The following ZNF423 variants were observed in gnomAD, a reference collection of about 807,000 sequenced individuals.
The protein encoded by ZNF423 is Ebf-associated zinc finger protein.
In ZNF423, 12 loss-of-function variants were observed where a neutral mutation model predicts 95.8. The observed-to-expected ratio is 0.13, with a 90% CI of 0.08 to 0.20. The LOEUF is 0.20. Ranked by LOEUF, ZNF423 falls within the 10% of genes least tolerant of loss-of-function variation. The pLI, the probability that ZNF423 is intolerant of heterozygous loss-of-function variation, is 1.00. For synonymous variants in ZNF423, 749 were observed against 711.9 expected (o/e 1.05, Z -0.83); for missense variants, 1,316 against 1,737.1 (o/e 0.76, Z 4.31).
chr16:49,536,634 C>T (rs1445319523), intron 5 of ZNF423, among the ~76,000 whole-genome samples: 1 of 152,002 alleles, frequency 6.6e-6, no homozygotes, highest in Non-Finnish European at 1.5e-5. Flanking sequence ...TGGGATCTTG[C>T]TATCTTTCCC....
chr16:49,672,854 A>G (rs1205810990), intron 3 of ZNF423, among the ~76,000 whole-genome samples: 1 of 152,124 alleles, frequency 6.6e-6, no homozygotes, highest in Non-Finnish European at 1.5e-5. Flanking sequence ...AAATAAAATA[A>G]AATAAAAGCC....
At chr16:49,820,049 GATGGATGGATGGATGGATGGATGC>G (rs2034916749) in intron 1 of ZNF423, among the ~76,000 whole-genome samples, 1 of 151,986 alleles carries the variant, frequency 6.6e-6, no homozygotes, top group African/African-American at 2.4e-5. Flanking sequence ...TGGATGGATG[GATGGATGGATGGATGGATGGATGC>G]ATGGATGGAT....
chr16:49,658,065 T>C (rs368088364), intron 3 of ZNF423, among the ~76,000 whole-genome samples: 2 of 152,258 alleles, frequency 1.3e-5, no homozygotes, highest in African/African-American at 4.8e-5. Context: ...ATCATGAGTA[T>C]GATGTTTTTG....
chr16:49,664,016 C>T, intron 3 of ZNF423: 1 of 967,446 alleles, frequency 1.0e-6, no homozygotes. Flanking sequence ...CCGGTGCAGA[C>T]ACCAGCCTGT....
chr16:49,743,502 G>C (rs911798568), intron 2 of ZNF423, among the ~76,000 whole-genome samples: 4 of 152,160 alleles, frequency 2.6e-5, no homozygotes, highest in African/African-American at 9.7e-5. Context: ...TGATTAATAA[G>C]GATGTGTTGA....
chr16:49,718,202 C>T (rs1027273314), intron 3 of ZNF423, among the ~76,000 whole-genome samples: 1 of 152,134 alleles, frequency 6.6e-6, no homozygotes, highest in Non-Finnish European at 1.5e-5. Flanking sequence ...GGGAGGATCA[C>T]CTGAGTCATG....
chr16:49,573,240 C>G (rs916645783), intron 5 of ZNF423, among the ~76,000 whole-genome samples: 1 of 152,062 alleles, frequency 6.6e-6, no homozygotes, highest in Non-Finnish European at 1.5e-5. Flanking sequence ...TAACTCCCAG[C>G]AGAACATGTC....
chr16:49,724,667 A>G (rs1314106798), intron 3 of ZNF423, among the ~76,000 whole-genome samples: 1 of 152,260 alleles, frequency 6.6e-6, no homozygotes, highest in East Asian at 1.9e-4. Context: ...ACACAGCACC[A>G]GCCCTGTAAT....
intron 5 of ZNF423, among the ~76,000 whole-genome samples, chr16:49,555,530 C>T (rs546095468): frequency 6.6e-6 from 1 of 152,302 alleles, no homozygotes; most frequent in East Asian, 1.9e-4. Flanking sequence ...GGACATAATG[C>T]TAGTAAGTGT....
At chr16:49,612,759 A>ATAT in intron 5 of ZNF423, among the ~76,000 whole-genome samples, 1 of 152,188 alleles carries the variant, frequency 6.6e-6, no homozygotes, top group South Asian at 2.1e-4. Flanking sequence ...TACAGATGGC[A>ATAT]TGATTGTCTA....
intron 3 of ZNF423, among the ~76,000 whole-genome samples, chr16:49,691,565 T>C (rs2031782999): frequency 6.6e-6 from 1 of 152,060 alleles, no homozygotes; most frequent in African/African-American, 2.4e-5. Flanking sequence ...ACCCCGTCTC[T>C]ACTAAACATA....
intron 7 of ZNF423, among the ~76,000 whole-genome samples, chr16:49,523,278 A>G (rs1333557280): frequency 6.6e-6 from 1 of 152,236 alleles, no homozygotes; most frequent in Non-Finnish European, 1.5e-5. Context: ...CAAAGACATC[A>G]TGGGCTTCTA....
chr16:49,563,638 G>A (rs1970088811), intron 5 of ZNF423, among the ~76,000 whole-genome samples: 1 of 152,226 alleles, frequency 6.6e-6, no homozygotes, highest in African/African-American at 2.4e-5. Context: ...AAACCAAGGT[G>A]GTCTGCCTCC....
intron 5 of ZNF423, among the ~76,000 whole-genome samples, chr16:49,590,863 G>A (rs930459887): frequency 1.3e-5 from 2 of 152,142 alleles, no homozygotes; most frequent in Admixed American, 6.6e-5. Context: ...CACCACTCTG[G>A]CCACTCTGTC....
chr16:49,520,345 A>T (rs534794749), intron 7 of ZNF423, among the ~76,000 whole-genome samples: 1 of 152,320 alleles, frequency 6.6e-6, no homozygotes, highest in African/African-American at 2.4e-5. Context: ...AGCCCTCCGA[A>T]CTTGGAATCA....
intron 3 of ZNF423, among the ~76,000 whole-genome samples, chr16:49,705,829 TG>T (rs1304375626): frequency 6.6e-6 from 1 of 152,220 alleles, no homozygotes; most frequent in Admixed American, 6.5e-5. Flanking sequence ...ATTACAGGCA[TG>T]AGCCACTGCG....
intron 2 of ZNF423, among the ~76,000 whole-genome samples, chr16:49,768,460 G>A (rs1030527204): frequency 9.9e-5 from 15 of 152,212 alleles, no homozygotes; most frequent in African/African-American, 3.6e-4. Context: ...GTGTCATCAA[G>A]GTCACGGCAC....
chr16:49,816,891 C>G (rs750363338), intron 1 of ZNF423, among the ~76,000 whole-genome samples: 2 of 152,156 alleles, frequency 1.3e-5, no homozygotes, highest in Non-Finnish European at 2.9e-5. Flanking sequence ...ATAACAATAA[C>G]GGTAGCAATA....
At chr16:49,820,701 A>C (rs2034927839) in intron 1 of ZNF423, among the ~76,000 whole-genome samples, 1 of 152,242 alleles carries the variant, frequency 6.6e-6, no homozygotes, top group South Asian at 2.1e-4. Flanking sequence ...TTTCCCTACA[A>C]GATCCCAATT....
Sources: allele counts gnomAD v4.1 joint callset (sites outside exome capture counted in the v4.1 genomes callset), GRCh38; gene constraint gnomAD v4.1.1; transcripts MANE v1.5; gene names NCBI Gene and HGNC (gene_info 2026-07-23, HGNC 2026-07-21).